Variants in MTUS2 observed in about 807,000 individuals in gnomAD.
MTUS2 encodes microtubule associated scaffold protein 2.
A neutral mutation model predicts 114.1 loss-of-function variants in MTUS2; 40 were observed. That is an observed-to-expected ratio of 0.35 (90% CI 0.27 to 0.46). The LOEUF is 0.46. Among genes scored for constraint, MTUS2 ranks in the 20% least tolerant of loss-of-function variants. The pLI, the probability that MTUS2 is intolerant of heterozygous loss-of-function variation, is 1.00. For missense variants in MTUS2, 1,679 were observed against 1,705.4 expected, an observed-to-expected ratio of 0.98 and a Z score of 0.27; for synonymous variants, 688 against 672.0, an observed-to-expected ratio of 1.02 and a Z score of -0.37.
intron 5 of MTUS2, among the ~76,000 whole-genome samples, chr13:29,161,603 C>T (rs1007094554): frequency 6.6e-6 from 1 of 152,208 alleles, no homozygotes; most frequent in African/African-American, 2.4e-5. Context: ...CTCCCCTTTT[C>T]CGTAAAACTC....
intron 5 of MTUS2, among the ~76,000 whole-genome samples, chr13:29,276,866 C>T (rs1340483713): frequency 6.6e-6 from 1 of 151,108 alleles, no homozygotes; most frequent in African/African-American, 2.4e-5. Flanking sequence ...CCACTGCACT[C>T]CAGCCTGGTG....
chr13:28,989,080 A>G (rs917103546), intron 2 of MTUS2, among the ~76,000 whole-genome samples: 3 of 152,178 alleles, frequency 2.0e-5, no homozygotes, highest in Non-Finnish European at 4.4e-5. Flanking sequence ...CAGCAGTTTC[A>G]TTGGCTTAGA....
chr13:29,502,927 T>G (rs1883001729), intron 15 of MTUS2, 66 bp from the exon 16 acceptor site: 2 of 1,524,248 alleles, frequency 1.3e-6, no homozygotes, highest in Non-Finnish European at 9.0e-7. Flanking sequence ...CCTGCACCAT[T>G]GTCCTGACCT....
At chr13:28,990,063 A>G (rs1235754791) in intron 2 of MTUS2, among the ~76,000 whole-genome samples, 1 of 152,156 alleles carries the variant, frequency 6.6e-6, no homozygotes, top group African/African-American at 2.4e-5. Context: ...GTGAACTGGC[A>G]GGAGGATGTC....
chr13:29,185,997 A>G (rs1894207761), intron 5 of MTUS2, among the ~76,000 whole-genome samples: 1 of 152,176 alleles, frequency 6.6e-6, no homozygotes, highest in African/African-American at 2.4e-5. Flanking sequence ...ACTTGAGCAC[A>G]GGAGTTTGAT....
At chr13:28,923,622 A>G (rs1021120388) in intron 2 of MTUS2, among the ~76,000 whole-genome samples, 16 of 152,200 alleles carry the variant, frequency 1.1e-4, no homozygotes, top group African/African-American at 3.4e-4. Context: ...TCTGCTGACC[A>G]TAGAAGAGTC....
At chr13:29,381,354 A>G (rs188560312) in intron 8 of MTUS2, among the ~76,000 whole-genome samples, 142 of 152,372 alleles carry the variant, frequency 9.3e-4, no homozygotes, top group Non-Finnish European at 1.3e-3. Flanking sequence ...ATTAGAGGCT[A>G]TAGTGCTTAT....
At chr13:29,235,553 G>C (rs892417224) in intron 5 of MTUS2, among the ~76,000 whole-genome samples, 2 of 152,120 alleles carry the variant, frequency 1.3e-5, no homozygotes, top group Admixed American at 6.5e-5. Context: ...TAATGGTTCA[G>C]TTGAAACTAT....
intron 2 of MTUS2, among the ~76,000 whole-genome samples, chr13:28,965,093 G>C (rs915371918): frequency 6.6e-6 from 1 of 152,156 alleles, no homozygotes; most frequent in African/African-American, 2.4e-5. Flanking sequence ...TTTAACCCGT[G>C]TTGTCATAAT....
chr13:29,123,032 G>T (rs1891376415), intron 5 of MTUS2, among the ~76,000 whole-genome samples: 1 of 152,136 alleles, frequency 6.6e-6, no homozygotes, highest in Non-Finnish European at 1.5e-5. Flanking sequence ...AAAAACTATG[G>T]TAAAGAGCAA....
intron 2 of MTUS2, among the ~76,000 whole-genome samples, chr13:28,905,439 C>A (rs1389253374): frequency 2.0e-5 from 3 of 151,522 alleles, no homozygotes; most frequent in East Asian, 1.9e-4. Flanking sequence ...ATCAATACCT[C>A]ATTTATTGAG....
intron 7 of MTUS2, 149 bp downstream of exon 7, chr13:29,324,860 C>G: frequency 4.7e-6 from 3 of 636,904 alleles, no homozygotes; most frequent in Non-Finnish European, 5.5e-6. Flanking sequence ...TTTTCTGACT[C>G]TAGATGAAAT....
At chr13:28,972,333 A>C (rs568976677) in intron 2 of MTUS2, among the ~76,000 whole-genome samples, 3 of 152,354 alleles carry the variant, frequency 2.0e-5, no homozygotes, top group Non-Finnish European at 4.4e-5. Context: ...TGCAGAAAAC[A>C]GTCAGCATTA....
intron 8 of MTUS2, among the ~76,000 whole-genome samples, chr13:29,400,327 C>T (rs1308359543): frequency 2.0e-5 from 3 of 152,232 alleles, no homozygotes; most frequent in East Asian, 1.9e-4. Flanking sequence ...GTACAGCATG[C>T]GTGAAGAGCT....
chr13:29,022,536 G>A (rs1886336066), intron 2 of MTUS2, among the ~76,000 whole-genome samples: 1 of 152,214 alleles, frequency 6.6e-6, no homozygotes, highest in Non-Finnish European at 1.5e-5. Flanking sequence ...CAGGGATAAA[G>A]GGAAAACAAG....
chr13:29,444,166 A>G (rs369601959), intron 9 of MTUS2, among the ~76,000 whole-genome samples: 19 of 152,298 alleles, frequency 1.2e-4, no homozygotes, highest in African/African-American at 4.1e-4. Flanking sequence ...GCTCACACCT[A>G]TAATCCCAGC....
chr13:29,061,730 C>G (rs993562142), intron 4 of MTUS2, among the ~76,000 whole-genome samples: 15 of 152,202 alleles, frequency 9.9e-5, no homozygotes, highest in African/African-American at 3.4e-4. Context: ...TGTTTTCCTT[C>G]CCTGAGGATC....
chr13:29,497,458 G>T, intron 13 of MTUS2, 122 bp downstream of exon 13: 1 of 802,888 alleles, frequency 1.2e-6, no homozygotes, highest in African/African-American at 1.7e-5. Flanking sequence ...TGAAGTGACA[G>T]CTGGTCACGA....
intron 8 of MTUS2, among the ~76,000 whole-genome samples, chr13:29,398,289 C>T (rs753747396): frequency 7.2e-5 from 11 of 151,812 alleles, no homozygotes; most frequent in Non-Finnish European, 1.2e-4. Flanking sequence ...GGCGAAATCT[C>T]GTCTCTAGTA....
Sources: allele counts gnomAD v4.1 joint callset (sites outside exome capture counted in the v4.1 genomes callset), GRCh38; gene constraint gnomAD v4.1.1; transcripts MANE v1.5; gene names NCBI Gene and HGNC (gene_info 2026-07-23, HGNC 2026-07-21).